Variants in NKAIN2 observed in about 807,000 individuals in gnomAD.
NKAIN2 encodes sodium/potassium-transporting ATPase subunit beta-1-interacting protein 2.
NKAIN2 carries 14 observed loss-of-function variants against 32.6 expected under a neutral mutation model. That is an observed-to-expected ratio of 0.43 (90% CI 0.28 to 0.67). The LOEUF is 0.67. Among genes scored for constraint, NKAIN2 ranks in the 30% least tolerant of loss-of-function variants. The pLI is 0.17. For synonymous variants in NKAIN2, 80 were observed against 87.2 expected (o/e 0.92, Z 0.46); for missense variants, 198 against 258.3 (o/e 0.77, Z 1.60).
At chr6:124,263,413 A>G (rs1357013612) in intron 1 of NKAIN2, among the ~76,000 whole-genome samples, 1 of 152,194 alleles carries the variant, frequency 6.6e-6, no homozygotes, top group Admixed American at 6.5e-5. Context: ...ATACAGCAGA[A>G]AAGTATAGAC....
intron 1 of NKAIN2, among the ~76,000 whole-genome samples, chr6:123,967,714 TACTC>T (rs113898191): frequency 0.014 from 2,091 of 152,272 alleles, 16 homozygotes; most frequent in African/African-American, 0.021. Context: ...TATATACACA[TACTC>T]ACAACTACAT....
intron 1 of NKAIN2, among the ~76,000 whole-genome samples, chr6:124,129,897 C>T (rs1241165606): frequency 7.2e-5 from 11 of 152,106 alleles, no homozygotes; most frequent in South Asian, 2.1e-4. Context: ...GGATTATAGG[C>T]GTGAGCCACC....
At chr6:124,005,082 A>T (rs117780815) in intron 1 of NKAIN2, among the ~76,000 whole-genome samples, 6,330 of 151,882 alleles carry the variant, frequency 0.042, 255 homozygotes, top group Admixed American at 0.12. Context: ...AAAATTAGCC[A>T]CACGTGGTGG....
intron 1 of NKAIN2, among the ~76,000 whole-genome samples, chr6:123,836,125 G>A (rs1474801925): frequency 6.6e-6 from 1 of 151,898 alleles, no homozygotes; most frequent in Non-Finnish European, 1.5e-5. Context: ...AATAACAAAT[G>A]GTGGAGAAGG....
intron 1 of NKAIN2, among the ~76,000 whole-genome samples, chr6:124,045,366 A>G (rs962861733): frequency 2.6e-5 from 4 of 151,844 alleles, no homozygotes; most frequent in Admixed American, 2.0e-4. Flanking sequence ...GAAAGAATGC[A>G]TGTCCTCTTG....
At chr6:123,857,081 A>T (rs1438137568) in intron 1 of NKAIN2, among the ~76,000 whole-genome samples, 2 of 152,072 alleles carry the variant, frequency 1.3e-5, no homozygotes, top group Non-Finnish European at 2.9e-5. Context: ...TTGATATGGA[A>T]GTATAATGGA....
chr6:124,120,964 A>G (rs899643909), intron 1 of NKAIN2, among the ~76,000 whole-genome samples: 1 of 152,164 alleles, frequency 6.6e-6, no homozygotes, highest in Admixed American at 6.5e-5. Context: ...CTATTAAGGC[A>G]CAGATTTCTT....
intron 3 of NKAIN2, among the ~76,000 whole-genome samples, chr6:124,427,624 A>T (rs1469558263): frequency 1.3e-5 from 2 of 152,196 alleles, no homozygotes; most frequent in African/African-American, 4.8e-5. Flanking sequence ...AAAGAATAGT[A>T]TCAACTACAT....
Position 123,808,250 on chromosome 6 carries a change from TC to T in NKAIN2, c.54+3998del, listed in dbSNP as rs1409047869. 5.3e-5 allele frequency among the ~76,000 whole-genome samples: 8 copies of T among 152,248 alleles called. No individual in the cohort carries two copies. In the East Asian group the frequency reaches 1.5e-3, roughly 29 times the overall value. On this transcript the variant is annotated intron_variant, in intron 1 of 6. Transcript: ENST00000368417. ...TTATAACTTTATCTGCCACAAAACTTCCTGGCTCAGAGAATTTTAACTTTTT... is the reference window on the plus strand; with the variant it reads ...TTATAACTTTATCTGCCACAAAACTTCTGGCTCAGAGAATTTTAACTTTTT...
chr6:124,113,236 C>G (rs1347592527), intron 1 of NKAIN2, among the ~76,000 whole-genome samples: 1 of 152,026 alleles, frequency 6.6e-6, no homozygotes, highest in Non-Finnish European at 1.5e-5. Flanking sequence ...GAAGGGAAGG[C>G]TTTTGTCAGC....
At chr6:124,456,591 G>C (rs1415987832) in intron 3 of NKAIN2, among the ~76,000 whole-genome samples, 7 of 151,768 alleles carry the variant, frequency 4.6e-5, no homozygotes, top group African/African-American at 1.7e-4. Context: ...TTTGCATATG[G>C]TTACTGGCCA....
At position 124,750,533 on chromosome 6, in the gene NKAIN2, ATG is replaced by A. The variant is rs1491144875; in HGVS notation, c.475-40805_475-40804del. ...GATGGATGGATGGATGGATGGATGG[ATG>A]GATGGATGGATATGAGATAAATGTA... On this transcript the variant is annotated intron_variant, in intron 4 of 6. Coordinates refer to ENST00000368417, the MANE Select transcript of NKAIN2 (RefSeq NM_001040214.3). Among the ~76,000 whole-genome samples the A allele has an allele frequency of 3.0e-4, 45 of 151,856 alleles. 1 individual carries two copies. Among genetic ancestry groups the A allele is most frequent in the Middle Eastern group, 3.4e-3 (1 of 294 alleles).
intron 1 of NKAIN2, among the ~76,000 whole-genome samples, chr6:123,962,403 A>C (rs1777886998): frequency 6.6e-6 from 1 of 152,104 alleles, no homozygotes. Context: ...CTATTTCCTT[A>C]TCTGCTTGCA....
At chr6:124,317,721 A>G (rs558822899) in intron 2 of NKAIN2, among the ~76,000 whole-genome samples, 2 of 152,090 alleles carry the variant, frequency 1.3e-5, no homozygotes, top group Non-Finnish European at 2.9e-5. Context: ...CTTAGTGCTC[A>G]GGGAAATACT....
chr6:124,369,711 A>T (rs1799669664), intron 3 of NKAIN2, among the ~76,000 whole-genome samples: 1 of 151,772 alleles, frequency 6.6e-6, no homozygotes, highest in African/African-American at 2.4e-5. Context: ...CCAATTCCTC[A>T]TACCACCCCA....
intron 3 of NKAIN2, 103 bp from the exon 4 acceptor site, chr6:124,658,083 C>A: frequency 4.5e-6 from 4 of 886,678 alleles, no homozygotes; most frequent in South Asian, 3.6e-5. Context: ...AAAAAACAAA[C>A]AAACCCACAT....
At chr6:124,579,926 C>T (rs967048732) in intron 3 of NKAIN2, among the ~76,000 whole-genome samples, 2 of 152,152 alleles carry the variant, frequency 1.3e-5, no homozygotes, top group Admixed American at 6.5e-5. Flanking sequence ...AGTGGCATCA[C>T]ATATTTAAAG....
At chr6:124,296,627 A>G (rs933413854) in intron 2 of NKAIN2, among the ~76,000 whole-genome samples, 1 of 152,184 alleles carries the variant, frequency 6.6e-6, no homozygotes, top group Non-Finnish European at 1.5e-5. Flanking sequence ...TTCTTGAAAG[A>G]TAAAAGAACA....
At chr6:124,437,863 G>C (rs1775515602) in intron 3 of NKAIN2, 1 of 361,576 alleles carries the variant, frequency 2.8e-6, no homozygotes. Flanking sequence ...AATACGTACT[G>C]ATCTATTGAT....
Sources: gnomAD v4.1 joint callset for allele counts (sites outside exome capture counted in the v4.1 genomes callset) on GRCh38, gnomAD v4.1.1 for gene constraint, MANE v1.5 for transcripts, NCBI Gene and HGNC (gene_info 2026-07-23, HGNC 2026-07-21) for gene names.